AP4M1: variants seen among roughly 807,000 people sequenced by gnomAD.
AP4M1 encodes the protein AP-4 complex subunit mu-1.
AP4M1 carries 58 observed loss-of-function variants against 62.4 expected under a neutral mutation model. The observed-to-expected ratio is 0.93, with a 90% CI of 0.75 to 1.16. The LOEUF (loss-of-function observed/expected upper bound fraction) is 1.16, where lower values mean the gene tolerates loss of function less well. AP4M1 is among the 50% of genes most tolerant of loss of function. The pLI is 0.00. For synonymous variants in AP4M1, 290 were observed against 239.7 expected, an observed-to-expected ratio of 1.21 and a Z score of -1.94; for missense variants, 626 against 585.4, an observed-to-expected ratio of 1.07 and a Z score of -0.72.
At chr7:100,102,397 G>T in intron 2 of AP4M1, 1 of 492,466 alleles carries the variant, frequency 2.0e-6, no homozygotes, top group Admixed American at 3.7e-5. Context: ...TCTCGGGGTA[G>T]GTGGGGGTGG....
rs892506024 is a variant in AP4M1 at position 100,108,641 on chromosome 7, T to C, written c.*1759T>C. The C allele has an allele frequency of 9.0e-6, 12 of 1,339,418 alleles. No individual in the cohort carries two copies. In the African/African-American group the frequency reaches 1.3e-4, roughly 15 times the overall value. The allele number at this position is 1,339,418 out of a possible 1,614,324, so 83.0% of individuals were successfully genotyped here. A position where few individuals can be genotyped will look rare whatever the true frequency, so the allele number is the denominator to read the frequency against. On this transcript the variant is annotated 3_prime_UTR_variant, in exon 15 of 15. Transcript: ENST00000359593. Reference sequence around the variant, plus strand: ...CTTGAGAAGAACCTTGGGGATGGGGTAAAAAAGGACATTCCTTATCATCTC... The same window carrying C: ...CTTGAGAAGAACCTTGGGGATGGGGCAAAAAAGGACATTCCTTATCATCTC...
In AP4M1 at chr7:100,106,284, G is replaced by C; in HGVS notation, c.1018G>C (p.Val340Leu). 6.2e-7 allele frequency: 1 copy of C among 1,614,070 alleles called. No individual in the cohort carries two copies. Among genetic ancestry groups the C allele is most frequent in the Admixed American group, 1.7e-5 (1 of 60,014 alleles). ...VRLHLPLPRG[V>L]VSLSQELSSP... is the part of the protein sequence containing the mutation. ...GCTGCACCTCCCCCTGCCTCGAGGG[G>C]TGGTCAGGTGAGTGTGTGCACCCAC... The change falls in exon 13 of 15, where the codon GTG becomes CTG. Residue 340 changes from valine (V) to leucine (L), a missense_variant. Transcript: ENST00000359593.
rs1168745230 is a variant in AP4M1 at position 100,101,701 on chromosome 7, T to C, written c.-14T>C. 3.1e-6 allele frequency: 5 copies of C among 1,612,374 alleles called. No homozygotes were observed. Among genetic ancestry groups the C allele is most frequent in the Non-Finnish European group, 4.2e-6 (5 of 1,178,830 alleles). On this transcript the variant is annotated 5_prime_UTR_variant, in exon 1 of 15. Transcript: ENST00000359593. ...CGACTTTCGCCGTCTTCTTGTCTAC[T>C]CTCCAGAACGGCCATGATTTCCCAA...
In AP4M1 at chr7:100,101,686, C is replaced by G; in HGVS notation, c.-29C>G. 6.2e-7 allele frequency: 1 copy of G among 1,605,984 alleles called. No homozygotes were observed. Among genetic ancestry groups the G allele is most frequent in the Non-Finnish European group, 8.5e-7 (1 of 1,173,024 alleles). On this transcript the variant is annotated 5_prime_UTR_variant, in exon 1 of 15. Transcript: ENST00000359593. Reference sequence around the variant, plus strand: ...AGGGCGGGGCAGGCCCGACTTTCGCCGTCTTCTTGTCTACTCTCCAGAACG... The same window carrying G: ...AGGGCGGGGCAGGCCCGACTTTCGCGGTCTTCTTGTCTACTCTCCAGAACG...
chr7:100,106,851 G>A lies in AP4M1; in HGVS notation c.1331G>A (p.Ser444Asn). ...CCCCACAAGTGGGTGCGACACCTAAGCCACAGCGACGCCTATGTCATTCGG... is the reference window on the plus strand; with the variant it reads ...CCCCACAAGTGGGTGCGACACCTAAACCACAGCGACGCCTATGTCATTCGG... ...ANPHKWVRHL[S>N]HSDAYVIRI The change falls in exon 15 of 15, where the codon AGC becomes AAC. Residue 444 changes from serine to asparagine, a missense_variant. Coordinates refer to ENST00000359593, the MANE Select transcript of AP4M1 (RefSeq NM_004722.4). 1 of 1,613,772 alleles carries A rather than the reference G, an allele frequency of 6.2e-7. No individual in the cohort carries two copies. Among genetic ancestry groups the A allele is most frequent in the Middle Eastern group, 1.6e-4 (1 of 6,062 alleles).
In AP4M1 at chr7:100,107,429, G is replaced by A. The variant is rs917071534; in HGVS notation, c.*547G>A. 12 of 1,610,786 alleles carry A rather than the reference G, an allele frequency of 7.4e-6. No homozygotes were observed. In the Admixed American group the frequency reaches 1.0e-4, roughly 13 times the overall value. ...AAGGATGGGAGGTGGGGCCTCCTTT[G>A]CCCTCCCCTGTTGGGGGAAGTGAGA... On this transcript the variant is annotated 3_prime_UTR_variant, in exon 15 of 15. Transcript: ENST00000359593.
chr7:100,108,641 TAAA>T lies in AP4M1; in HGVS notation c.*1763_*1765del. 1 of 1,339,418 alleles carries T rather than the reference TAAA, an allele frequency of 7.5e-7. No homozygotes were observed. 83.0% of individuals were successfully genotyped at this position (1,339,418 alleles called of 1,614,324 possible). On this transcript the variant is annotated 3_prime_UTR_variant, in exon 15 of 15. Transcript: ENST00000359593. ...CTTGAGAAGAACCTTGGGGATGGGG[TAAA>T]AAAGGACATTCCTTATCATCTCAGT...
At chr7:100,105,186 GCTC>G in intron 9 of AP4M1, 51 bp from the exon 10 acceptor site, 1 of 1,611,616 alleles carries the variant, frequency 6.2e-7, no homozygotes, top group Non-Finnish European at 8.5e-7. Flanking sequence ...CCCTCTCCTT[GCTC>G]CTCTCCCAAA....
chr7:100,101,291 C>T, upstream of AP4M1: 1 of 1,613,282 alleles, frequency 6.2e-7, no homozygotes, highest in Non-Finnish European at 8.5e-7. Context: ...TCCTTCAGTG[C>T]CATCGCTGCC....
chr7:100,104,220 T>G (rs926860825), intron 7 of AP4M1, 66 bp downstream of exon 7: 2 of 1,428,394 alleles, frequency 1.4e-6, no homozygotes, highest in African/African-American at 1.4e-5. Flanking sequence ...GTGGGGTGGC[T>G]AAGACTCCCA....
At position 100,106,894 on chromosome 7, in the gene AP4M1, C is replaced by G; in HGVS notation, c.*12C>G. On this transcript the variant is annotated 3_prime_UTR_variant, in exon 15 of 15. Coordinates refer to ENST00000359593, the MANE Select transcript of AP4M1 (RefSeq NM_004722.4). Reference sequence around the variant, plus strand: ...TCATTCGGATCTGAGGCTCCCCAAACGAGGACACGACGGCCAAGGTGGCAG... The same window carrying G: ...TCATTCGGATCTGAGGCTCCCCAAAGGAGGACACGACGGCCAAGGTGGCAG... 2 of 1,610,140 alleles carry G rather than the reference C, an allele frequency of 1.2e-6. No individual in the cohort carries two copies. The highest frequency in any genetic ancestry group is 1.7e-6 in the Non-Finnish European group (2 of 1,179,550).
chr7:100,104,555 G>A (rs1227834793), intron 7 of AP4M1, among the ~76,000 whole-genome samples: 1 of 151,970 alleles, frequency 6.6e-6, no homozygotes, highest in African/African-American at 2.4e-5. Context: ...AAAAGGCTGG[G>A]CACAGTGGCT....
chr7:100,108,658 TATC>T lies in AP4M1; in HGVS notation c.*1780_*1782del. ...GGATGGGGTAAAAAAGGACATTCCTTATCATCTCAGTGCCCCTGTTGAAGGCCA... is the reference window on the plus strand; with the variant it reads ...GGATGGGGTAAAAAAGGACATTCCTTATCTCAGTGCCCCTGTTGAAGGCCA... On this transcript the variant is annotated 3_prime_UTR_variant, in exon 15 of 15. Transcript: ENST00000359593. The T allele has an allele frequency of 8.4e-7, 1 of 1,185,200 alleles. No individual in the cohort carries two copies. The highest frequency in any genetic ancestry group is 1.2e-6 in the Non-Finnish European group (1 of 853,294). 73.4% of individuals were successfully genotyped at this position (1,185,200 alleles called of 1,614,324 possible).
rs769752012 is a variant in AP4M1 at position 100,107,646 on chromosome 7, C to G, written c.*764C>G. On this transcript the variant is annotated 3_prime_UTR_variant, in exon 15 of 15. Transcript: ENST00000359593. ...GACCTGGATAGAAAGGAAAGGCAGGCCGCTTGCCCTGTGCCCTCCCTGCCC... is the reference window on the plus strand; with the variant it reads ...GACCTGGATAGAAAGGAAAGGCAGGGCGCTTGCCCTGTGCCCTCCCTGCCC... The G allele has an allele frequency of 6.2e-7, 1 of 1,605,274 alleles. No homozygotes were observed. The highest frequency in any genetic ancestry group is 8.5e-7 in the Non-Finnish European group (1 of 1,176,834).
chr7:100,101,556 C>A, upstream of AP4M1: 1 of 834,606 alleles, frequency 1.2e-6, no homozygotes, highest in Non-Finnish European at 2.0e-6. Context: ...AATCTCCGGG[C>A]GGGGTAGTGC....
chr7:100,105,573 G>A, intron 11 of AP4M1, 34 bp downstream of exon 11: 1 of 1,578,432 alleles, frequency 6.3e-7, no homozygotes, highest in East Asian at 2.2e-5. Flanking sequence ...GAACTACCTT[G>A]GAACCCAAGC....
intron 7 of AP4M1, 22 bp from the exon 8 acceptor site, chr7:100,104,852 C>T: frequency 2.5e-6 from 4 of 1,613,900 alleles, no homozygotes; most frequent in South Asian, 2.2e-5. Flanking sequence ...AAGACTCTAA[C>T]CTTGACGCCC....
At chr7:100,101,552 CGG>C (rs1796032478), upstream of AP4M1, 3 of 830,516 alleles carry the variant, frequency 3.6e-6, no homozygotes, top group Non-Finnish European at 6.0e-6. Context: ...AGGGAATCTC[CGG>C]GCGGGGTAGT....
intron 2 of AP4M1, 95 bp downstream of exon 2, chr7:100,102,063 T>C (rs1796088046): frequency 1.5e-6 from 2 of 1,376,470 alleles, no homozygotes; most frequent in East Asian, 2.4e-5. Context: ...TAGATTCCAC[T>C]TGGGGGGTGC....
Sources: gnomAD v4.1 joint callset for allele counts (sites outside exome capture counted in the v4.1 genomes callset) on GRCh38, gnomAD v4.1.1 for gene constraint, MANE v1.5 for transcripts, NCBI Gene and HGNC (gene_info 2026-07-23, HGNC 2026-07-21) for gene names.